The following USP39 variants were observed in gnomAD, a reference collection of about 807,000 sequenced individuals.
The protein encoded by USP39 is ubiquitin specific peptidase 39.
USP39 carries 38 observed loss-of-function variants against 66.4 expected under a neutral mutation model. The observed-to-expected ratio is 0.57, with a 90% CI of 0.44 to 0.75. The LOEUF is 0.75. Ranked by LOEUF, USP39 falls within the 30% of genes least tolerant of loss-of-function variation. USP39 has a pLI of 0.00. For synonymous variants in USP39, 303 were observed against 274.6 expected (o/e 1.10, Z -1.02); for missense variants, 608 against 714.4 (o/e 0.85, Z 1.70).
chr2:85,647,066 T>C (rs57175088), intron 11 of USP39, among the ~76,000 whole-genome samples: 11,161 of 152,100 alleles, frequency 0.073, 1,390 homozygotes, highest in African/African-American at 0.25. Flanking sequence ...TTTTTGTATT[T>C]TTGGTAGAGA....
chr2:85,611,837 G>GCCAGT (rs1482166854), upstream of USP39: 1 of 1,603,658 alleles, frequency 6.2e-7, no homozygotes, highest in Non-Finnish European at 8.5e-7. Flanking sequence ...GCCAGGCCAG[G>GCCAGT]CCAGGAGTGG....
In USP39 at chr2:85,645,086, G is replaced by A. The variant is rs1207841194; in HGVS notation, c.1563+3G>A. ...ACCGGATCCACGTGCTTCATCATGT[G>A]AGTGGCTGCTGACCGTCTCATGGCA... On this transcript the variant is annotated splice_donor_region_variant and intron_variant, in intron 11 of 12. Transcript: ENST00000323701. The A allele has an allele frequency of 6.2e-7, 1 of 1,614,064 alleles. No individual in the cohort carries two copies. Among genetic ancestry groups the A allele is most frequent in the East Asian group, 2.2e-5 (1 of 44,866 alleles).
chr2:85,645,150 G>A (rs955783727), intron 11 of USP39, 67 bp downstream of exon 11: 1 of 1,603,604 alleles, frequency 6.2e-7, no homozygotes, highest in Non-Finnish European at 8.5e-7. Flanking sequence ...GCATCTCAGA[G>A]GGCAGCTCCC....
intron 3 of USP39, among the ~76,000 whole-genome samples, chr2:85,621,885 G>A (rs1003089221): frequency 1.6e-5 from 2 of 121,812 alleles, no homozygotes; most frequent in Admixed American, 1.7e-4. Flanking sequence ...GTGTTGCCCA[G>A]GTTGGCTCAC....
At position 85,617,107 on chromosome 2, in the gene USP39, A is replaced by C. The variant is rs1438067953; in HGVS notation, c.268+644A>C. 1.3e-5 allele frequency among the ~76,000 whole-genome samples: 2 copies of C among 149,034 alleles called. 1 individual carries two copies. The highest frequency in any genetic ancestry group is 3.0e-5 in the Non-Finnish European group (2 of 67,008). On this transcript the variant is annotated intron_variant, in intron 1 of 12. Transcript: ENST00000323701. ...GTGTTACTTCCTTCCATTTTAAAAA[A>C]GAATTTTTTTTTTTTTTTTTGCGTT... is the stretch of plus-strand genomic sequence containing the variant.
intron 11 of USP39, among the ~76,000 whole-genome samples, chr2:85,646,737 A>G (rs1676672451): frequency 6.6e-6 from 1 of 152,180 alleles, no homozygotes; most frequent in Non-Finnish European, 1.5e-5. Flanking sequence ...CTCTGCCTTA[A>G]TCTAGAAACA....
chr2:85,635,376 A>G (rs991615793), intron 6 of USP39, among the ~76,000 whole-genome samples: 1 of 152,178 alleles, frequency 6.6e-6, no homozygotes, highest in Non-Finnish European at 1.5e-5. Context: ...CCTGGCCAAC[A>G]TGGTGAAGCC....
At chr2:85,634,532 T>A (rs1675613273) in intron 6 of USP39, among the ~76,000 whole-genome samples, 1 of 152,112 alleles carries the variant, frequency 6.6e-6, no homozygotes, top group South Asian at 2.1e-4. Flanking sequence ...TGAAGTTGCA[T>A]CACTGCACTC....
rs1558862161 is a variant in USP39, at chr2:85,630,940, A to G, written c.943A>G (p.Lys315Glu). 2.5e-6 allele frequency: 4 copies of G among 1,613,942 alleles called. No individual in the cohort carries two copies. The highest frequency in any genetic ancestry group is 2.5e-6 in the Non-Finnish European group (3 of 1,179,898). The change falls in exon 6 of 13, where the codon AAA (lysine) becomes GAA (glutamate). Residue 315 changes from lysine to glutamate, a missense_variant. Transcript: ENST00000323701. ...CAGTAAGAAGACTTTTCAGATCACC[A>G]AACAAGGTAAGAACAAGTCATTCAT... Reference protein sequence around the residue: ...LCSKKTFQITKQGDGVDFLSW... With the variant: ...LCSKKTFQITEQGDGVDFLSW...
intron 5 of USP39, among the ~76,000 whole-genome samples, chr2:85,626,026 A>G (rs1052728594): frequency 4.0e-5 from 6 of 151,134 alleles, no homozygotes; most frequent in African/African-American, 1.5e-4. Context: ...AAGAAAAAAA[A>G]AAGAGAGGGA....
At position 85,616,317 on chromosome 2, in the gene USP39, C is replaced by T; in HGVS notation, c.122C>T (p.Ala41Val). 2 of 1,583,616 alleles carry T rather than the reference C, an allele frequency of 1.3e-6. No homozygotes were observed. The highest frequency in any genetic ancestry group is 1.4e-5 in the African/African-American group (1 of 73,362). The change falls in exon 1 of 13, where the codon GCG (alanine) becomes GTG (valine). Residue 41 changes from alanine (A) to valine (V), a missense_variant. By Grantham distance (64) the Ala-to-Val change is moderately conservative. Around this residue, in one of 6 missense-constraint regions of USP39, gnomAD observed 207 missense variants for 145.7 expected, o/e 1.42. Transcript: ENST00000323701. ...ERDREREPEA[A>V]SSRGSPVRVK... Reference sequence around the variant, plus strand: ...GATCGGGAGCGGGAGCCTGAGGCGGCGAGCTCCCGGGGCAGCCCTGTGCGC... The same window carrying T: ...GATCGGGAGCGGGAGCCTGAGGCGGTGAGCTCCCGGGGCAGCCCTGTGCGC...
rs1044223310 is a variant in USP39 at position 85,648,687 on chromosome 2, C to T, written c.1651-74C>T. ...GTGACAAGTTGTCCATGGCCTGGCA[C>T]AGAATAGGTATTTGATAAGTGTCTG... is the stretch of plus-strand genomic sequence containing the variant. On this transcript the variant is annotated intron_variant, in intron 12 of 12. Coordinates refer to ENST00000323701, the MANE Select transcript of USP39 (RefSeq NM_006590.4). 3.7e-5 allele frequency: 57 copies of T among 1,545,958 alleles called. No homozygotes were observed. The South Asian group carries it at 6.1e-4, about 17-fold the overall frequency.
intron 8 of USP39, among the ~76,000 whole-genome samples, chr2:85,638,714 T>A (rs547842145): frequency 6.6e-5 from 10 of 152,106 alleles, no homozygotes; most frequent in African/African-American, 2.2e-4. Context: ...ATTTTGTATT[T>A]TTAGTAGAGA....
intron 9 of USP39, among the ~76,000 whole-genome samples, chr2:85,640,579 G>A (rs937194853): frequency 3.3e-5 from 5 of 150,860 alleles, no homozygotes; most frequent in Admixed American, 6.6e-5. Context: ...ATGAGCCACC[G>A]TGCCTGGTTA....
chr2:85,610,097 C>A (rs1035455899), upstream of USP39: 1 of 150,784 alleles, frequency 6.6e-6, no homozygotes, highest in African/African-American at 2.5e-5. Context: ...TCACCGCAAC[C>A]TCTGCCTCCC....
rs191467712 is a variant in USP39, at chr2:85,638,631, C to T, written c.1096-572C>T. On this transcript the variant is annotated intron_variant, in intron 8 of 12. Transcript: ENST00000323701. ...TCGGCTCACCGCAACCTCCGCCTCC[C>T]GAGTTCAGGTGATTCTCCTGCCTCA... Among the ~76,000 whole-genome samples the T allele has an allele frequency of 6.7e-3, 1,023 of 152,120 alleles. 7 individuals are homozygous for T. Among genetic ancestry groups the T allele is most frequent in the South Asian group, 0.041 (199 of 4,810 alleles).
intron 10 of USP39, among the ~76,000 whole-genome samples, 169 bp downstream of exon 10, chr2:85,641,287 C>T (rs990245449): frequency 6.6e-6 from 1 of 152,156 alleles, no homozygotes; most frequent in African/African-American, 2.4e-5. Context: ...TTTCAGGGAC[C>T]ACAAAAGATT....
intron 10 of USP39, among the ~76,000 whole-genome samples, chr2:85,642,993 T>C (rs1337173986): frequency 6.6e-6 from 1 of 151,908 alleles, no homozygotes; most frequent in African/African-American, 2.4e-5. Context: ...TGTCATCACT[T>C]TGGGAGGCCG....
chr2:85,648,131 A>G, intron 12 of USP39, 115 bp downstream of exon 12: 2 of 1,038,408 alleles, frequency 1.9e-6, no homozygotes, highest in Admixed American at 2.0e-5. Flanking sequence ...AGGGCCAGGT[A>G]CCTATTGGGA....
Sources: gnomAD v4.1 joint callset for allele counts (sites outside exome capture counted in the v4.1 genomes callset) on GRCh38, gnomAD v4.1.1 for gene constraint, gnomAD v4.1.1 regional missense constraint, MANE v1.5 for transcripts, NCBI Gene and HGNC (gene_info 2026-07-23, HGNC 2026-07-21) for gene names.